The following TRMT13 variants were observed in gnomAD, a reference collection of about 807,000 sequenced individuals.
The protein encoded by TRMT13 is tRNA:m(4)X modification enzyme TRM13 homolog.
A neutral mutation model predicts 55.9 loss-of-function variants in TRMT13; 45 were observed. The observed-to-expected ratio is 0.80, with a 90% CI of 0.63 to 1.03. The LOEUF is 1.03. Ranked by LOEUF, TRMT13 falls within the 50% of genes least tolerant of loss-of-function variation. The pLI, the probability that TRMT13 is intolerant of heterozygous loss-of-function variation, is 0.00. For synonymous variants in TRMT13, 183 were observed against 196.3 expected, an observed-to-expected ratio of 0.93 and a Z score of 0.57; for missense variants, 513 against 563.9, an observed-to-expected ratio of 0.91 and a Z score of 0.91.
rs200449508 is a variant in TRMT13 at position 100,149,083 on chromosome 1, C to T, written c.*263C>T. The T allele has an allele frequency of 5.6e-6, 9 of 1,601,382 alleles. No homozygotes were observed. The highest frequency in any genetic ancestry group is 2.3e-5 in the East Asian group (1 of 44,066). On this transcript the variant is annotated 3_prime_UTR_variant, in exon 11 of 11. Transcript: ENST00000370141. ...ATGGAGATTGGTAAAGTAGTTGAAC[C>T]GTTGACTTGGTGATCTGAAACATAC... is the stretch of plus-strand genomic sequence containing the variant.
In TRMT13 at chr1:100,137,005, C is replaced by G; in HGVS notation, c.195-14C>G. On this transcript the variant is annotated splice_polypyrimidine_tract_variant and intron_variant, in intron 2 of 10. Coordinates refer to ENST00000370141, the MANE Select transcript of TRMT13 (RefSeq NM_019083.3). ...CACAAGTCTCATTTGAAATAATTTT[C>G]TCTTTAAATTTAGCACAGTATATGA... The G allele has an allele frequency of 6.2e-7, 1 of 1,602,596 alleles. No individual in the cohort carries two copies. Among genetic ancestry groups the G allele is most frequent in the Non-Finnish European group, 8.5e-7 (1 of 1,176,346 alleles).
chr1:100,138,786 T>TA (rs1041738396), intron 3 of TRMT13, among the ~76,000 whole-genome samples: 1 of 152,220 alleles, frequency 6.6e-6, no homozygotes, highest in African/African-American at 2.4e-5. Flanking sequence ...TAAATAAAAT[T>TA]AAAAATCTAG....
chr1:100,142,851 C>T lies in TRMT13; in HGVS notation c.670-286C>T, dbSNP rs539859670. 226 of 349,786 alleles carry T rather than the reference C, an allele frequency of 6.5e-4. 1 individual carries two copies. In the Middle Eastern group the frequency reaches 6.7e-3, roughly 10 times the overall value. 21.7% of individuals were successfully genotyped at this position (349,786 alleles called of 1,614,324 possible). On this transcript the variant is annotated intron_variant, in intron 7 of 10. Coordinates refer to ENST00000370141, the MANE Select transcript of TRMT13 (RefSeq NM_019083.3). ...TGACAAAGATAAAGGAGCTAGTAGA[C>T]AATCTTAGATAAATCACTTAAGATC...
chr1:100,145,772 G>A (rs547499973), intron 9 of TRMT13, among the ~76,000 whole-genome samples: 1 of 152,332 alleles, frequency 6.6e-6, no homozygotes, highest in African/African-American at 2.4e-5. Context: ...TCAGGAGGCT[G>A]AGGTGGGAGG....
rs192242587 is a variant in TRMT13 at position 100,145,225 on chromosome 1, A to G, written c.817+1082A>G. ...GTGTAGTACACTCTGATGTTCCTAC[A>G]ATGATGAAATCGCCTAATGCATTTC... On this transcript the variant is annotated intron_variant, in intron 9 of 10. Transcript: ENST00000370141. 5.9e-5 allele frequency among the ~76,000 whole-genome samples: 9 copies of G among 152,330 alleles called. No individual in the cohort carries two copies. The East Asian group carries it at 1.5e-3, about 26-fold the overall frequency.
In TRMT13 at chr1:100,137,080, A is replaced by C; in HGVS notation, c.256A>C (p.Lys86Gln). 1 of 1,612,110 alleles carries C rather than the reference A, an allele frequency of 6.2e-7. No homozygotes were observed. The highest frequency in any genetic ancestry group is 8.5e-7 in the Non-Finnish European group (1 of 1,179,506). Residue 86 changes from lysine to glutamine, a missense_variant, in exon 3 of 11, where the codon AAA becomes CAA. Physicochemically the swap from Lys to Gln is moderately conservative, Grantham distance 53. Coordinates refer to ENST00000370141, the MANE Select transcript of TRMT13 (RefSeq NM_019083.3). ...LKKCNSREKPKPDFYIQDINA... is the reference protein window; with the variant it reads ...LKKCNSREKPQPDFYIQDINA... ...AAAATGTAACTCAAGAGAGAAACCA[A>C]AACCTGTAAGTGTTTGATCAGTAAA... is the stretch of plus-strand genomic sequence containing the variant.
intron 9 of TRMT13, 61 bp downstream of exon 9, chr1:100,144,204 C>A (rs1656953926): frequency 1.6e-6 from 2 of 1,223,438 alleles, no homozygotes; most frequent in African/African-American, 1.5e-5. Context: ...AACCTGGCCC[C>A]AACCATTTCA....
At chr1:100,138,672 T>A (rs1413433376) in intron 3 of TRMT13, among the ~76,000 whole-genome samples, 1 of 152,208 alleles carries the variant, frequency 6.6e-6, no homozygotes, top group African/African-American at 2.4e-5. Context: ...TTTTCACTTT[T>A]GAAACAGGAT....
At chr1:100,133,718 C>T (rs1470892550) in intron 1 of TRMT13, among the ~76,000 whole-genome samples, 2 of 152,080 alleles carry the variant, frequency 1.3e-5, no homozygotes, top group Admixed American at 6.6e-5. Flanking sequence ...AAGCACTTCT[C>T]GTGAATGCGG....
chr1:100,137,583 A>G (rs1369901309), intron 3 of TRMT13, among the ~76,000 whole-genome samples: 2 of 152,164 alleles, frequency 1.3e-5, no homozygotes, highest in African/African-American at 4.8e-5. Context: ...ATTACACTGT[A>G]CAATAAGGGC....
At chr1:100,140,802 A>G (rs1231656772) in intron 6 of TRMT13, 50 bp from the exon 7 acceptor site, 1 of 1,536,952 alleles carries the variant, frequency 6.5e-7, no homozygotes, top group African/African-American at 1.4e-5. Context: ...TTCCCATTTG[A>G]ACCAAATGTG....
intron 1 of TRMT13, among the ~76,000 whole-genome samples, chr1:100,135,937 ATACT>A (rs1004296042): frequency 1.4e-4 from 22 of 152,340 alleles, no homozygotes; most frequent in African/African-American, 4.8e-4. Flanking sequence ...AGATACACAA[ATACT>A]TACATTGTGT....
rs1406490097 is a variant in TRMT13, at chr1:100,140,216, A to G, written c.359A>G (p.Glu120Gly). 3 of 1,612,526 alleles carry G rather than the reference A, an allele frequency of 1.9e-6. No individual in the cohort carries two copies. Among genetic ancestry groups the G allele is most frequent in the Non-Finnish European group, 2.5e-6 (3 of 1,179,412 alleles). The change falls in exon 5 of 11, where the codon GAA (glutamate) becomes GGA (glycine). Residue 120 changes from glutamate to glycine, a missense_variant. Physicochemically the swap from Glu to Gly is moderately conservative, Grantham distance 98. This residue lies in a region of TRMT13 where 298 missense variants were observed against 290.3 expected (regional missense o/e 1.03). Coordinates refer to ENST00000370141, the MANE Select transcript of TRMT13 (RefSeq NM_019083.3). ...TCTTCTCTATCTGAAGAGCAGTTGG[A>G]AAAGTTAATTAAGAAATTGAGAAAA... Reference protein sequence around the residue: ...PISSLSEEQLEKLIKKLRKAS... With the variant: ...PISSLSEEQLGKLIKKLRKAS...
At chr1:100,139,799 C>T (rs1656369522) in intron 4 of TRMT13, 88 bp downstream of exon 4, 3 of 865,714 alleles carry the variant, frequency 3.5e-6, no homozygotes, top group East Asian at 5.5e-5. Context: ...ATTTTTGTCT[C>T]AAGTCTGTTT....
At chr1:100,134,668 C>G (rs1655563867) in intron 1 of TRMT13, among the ~76,000 whole-genome samples, 1 of 152,130 alleles carries the variant, frequency 6.6e-6, no homozygotes, top group Admixed American at 6.6e-5. Flanking sequence ...GCAAACATCC[C>G]TTGTTGAAGA....
At chr1:100,146,914 A>T (rs961978451) in intron 9 of TRMT13, among the ~76,000 whole-genome samples, 1 of 152,240 alleles carries the variant, frequency 6.6e-6, no homozygotes, top group Non-Finnish European at 1.5e-5. Flanking sequence ...GAAATAATAG[A>T]TTAGCTATCA....
rs774769806 is a variant in TRMT13, at chr1:100,139,605, C to G, written c.262-44C>G. On this transcript the variant is annotated intron_variant, in intron 3 of 10. Transcript: ENST00000370141. ...AGTATTTTAGTTTAATTTTTGTGAG[C>G]TACACATTATTAACAGTTCTTTTAT... 4 of 1,215,952 alleles carry G rather than the reference C, an allele frequency of 3.3e-6. No individual in the cohort carries two copies. The Admixed American group carries it at 5.6e-5, about 17-fold the overall frequency. The allele number at this position is 1,215,952 out of a possible 1,614,324, so 75.3% of individuals were successfully genotyped here.
intron 1 of TRMT13, among the ~76,000 whole-genome samples, chr1:100,133,876 T>C (rs1007763120): frequency 1.3e-5 from 2 of 151,960 alleles, no homozygotes; most frequent in African/African-American, 4.8e-5. Context: ...TGAAACCCTC[T>C]CTCTACTAAA....
chr1:100,140,581 A>G, intron 6 of TRMT13, 67 bp downstream of exon 6: 1 of 1,179,478 alleles, frequency 8.5e-7, no homozygotes. Flanking sequence ...TTTTAAATGT[A>G]ATTATTAATA....
Sources: allele counts gnomAD v4.1 joint callset (sites outside exome capture counted in the v4.1 genomes callset), GRCh38; gene constraint gnomAD v4.1.1; regional missense constraint gnomAD v4.1.1; transcripts MANE v1.5; gene names NCBI Gene and HGNC (gene_info 2026-07-23, HGNC 2026-07-21).